Variants in CSMD3 observed in about 807,000 individuals in gnomAD.
The protein encoded by CSMD3 is CUB and sushi domain-containing protein 3.
A neutral mutation model predicts 435.2 loss-of-function variants in CSMD3; 177 were observed. That is an observed-to-expected ratio of 0.41 (90% CI 0.36 to 0.46). The LOEUF is 0.46. Ranked by LOEUF, CSMD3 falls within the 20% of genes least tolerant of loss-of-function variation. The pLI, the probability that CSMD3 is intolerant of heterozygous loss-of-function variation, is 0.34. For missense variants in CSMD3, 4,265 were observed against 4,504.6 expected, an observed-to-expected ratio of 0.95 and a Z score of 1.52; for synonymous variants, 1,656 against 1,520.5, an observed-to-expected ratio of 1.09 and a Z score of -2.07.
intron 40 of CSMD3, among the ~76,000 whole-genome samples, chr8:112,346,661 T>G: frequency 7.6e-6 from 1 of 130,748 alleles, no homozygotes; most frequent in East Asian, 2.4e-4. Context: ...CAGCCTTCCC[T>G]CCTTTTCCTT....
intron 1 of CSMD3, among the ~76,000 whole-genome samples, chr8:113,375,219 C>G (rs1441531860): frequency 6.6e-6 from 1 of 152,062 alleles, no homozygotes; most frequent in Non-Finnish European, 1.5e-5. Context: ...TCCTCATTTG[C>G]TCCCCAAATC....
At chr8:112,821,597 GT>G (rs2079531958) in intron 12 of CSMD3, among the ~76,000 whole-genome samples, 1 of 151,826 alleles carries the variant, frequency 6.6e-6, no homozygotes, top group Non-Finnish European at 1.5e-5. Context: ...CATTCTTTAG[GT>G]TGCCTGTTCA....
intron 2 of CSMD3, among the ~76,000 whole-genome samples, chr8:113,294,119 C>T (rs1423062349): frequency 6.6e-6 from 1 of 151,988 alleles, no homozygotes; most frequent in Non-Finnish European, 1.5e-5. Context: ...TTAAGAATTA[C>T]ATTGCCAAAT....
chr8:113,128,808 A>G (rs2091209921), intron 4 of CSMD3, among the ~76,000 whole-genome samples: 1 of 152,094 alleles, frequency 6.6e-6, no homozygotes. Context: ...ATACATAGCT[A>G]CATATTGAAT....
At chr8:112,761,026 G>A (rs1287002530) in intron 13 of CSMD3, among the ~76,000 whole-genome samples, 1 of 152,112 alleles carries the variant, frequency 6.6e-6, no homozygotes, top group Admixed American at 6.6e-5. Context: ...TGACAAAAAA[G>A]CTGAAGACTG....
chr8:112,653,016 C>T (rs1301845353), intron 18 of CSMD3, among the ~76,000 whole-genome samples: 1 of 152,104 alleles, frequency 6.6e-6, no homozygotes, highest in Non-Finnish European at 1.5e-5. Context: ...GTGGTTTCAC[C>T]ACGTTGGCCA....
chr8:112,331,616 T>A (rs545836898), intron 45 of CSMD3, among the ~76,000 whole-genome samples: 2,008 of 152,126 alleles, frequency 0.013, 41 homozygotes, highest in African/African-American at 0.046. Context: ...CAAATAAAAC[T>A]TCAATGATCA....
At chr8:113,201,236 C>T (rs2092713254) in intron 3 of CSMD3, among the ~76,000 whole-genome samples, 1 of 151,992 alleles carries the variant, frequency 6.6e-6, no homozygotes, top group South Asian at 2.1e-4. Flanking sequence ...GTCTGAACCA[C>T]TGCTAGCATC....
At chr8:112,478,116 T>C (rs1017642658) in intron 31 of CSMD3, among the ~76,000 whole-genome samples, 5 of 152,194 alleles carry the variant, frequency 3.3e-5, no homozygotes, top group African/African-American at 1.2e-4. Flanking sequence ...CCTTCCACCA[T>C]GATCGTGAGG....
chr8:112,994,474 T>C (rs2085570644), intron 6 of CSMD3, among the ~76,000 whole-genome samples: 1 of 151,676 alleles, frequency 6.6e-6, no homozygotes, highest in Admixed American at 6.6e-5. Context: ...TATTTTTTCA[T>C]GAAAAATTAT....
intron 3 of CSMD3, among the ~76,000 whole-genome samples, chr8:113,212,627 C>A (rs2092850471): frequency 6.6e-6 from 1 of 151,962 alleles, no homozygotes; most frequent in South Asian, 2.1e-4. Context: ...TCTCAGCAAA[C>A]TATCACAAGG....
intron 27 of CSMD3, among the ~76,000 whole-genome samples, chr8:112,532,722 G>A (rs1825655775): frequency 6.6e-6 from 1 of 151,878 alleles, no homozygotes; most frequent in Non-Finnish European, 1.5e-5. Flanking sequence ...GAAAAAAAAA[G>A]GATGTTAATA....
At chr8:112,368,221 C>T (rs1827974361) in intron 38 of CSMD3, among the ~76,000 whole-genome samples, 1 of 152,162 alleles carries the variant, frequency 6.6e-6, no homozygotes, top group African/African-American at 2.4e-5. Flanking sequence ...TTTTCCCTGA[C>T]TCTACCACCA....
chr8:113,283,101 G>A (rs938515343), intron 2 of CSMD3, among the ~76,000 whole-genome samples: 7 of 151,910 alleles, frequency 4.6e-5, no homozygotes, highest in African/African-American at 7.2e-5. Context: ...GATTAAGGAC[G>A]TAAATCTAAG....
At chr8:112,556,271 C>T (rs1045373390) in intron 25 of CSMD3, among the ~76,000 whole-genome samples, 3 of 151,706 alleles carry the variant, frequency 2.0e-5, no homozygotes, top group Non-Finnish European at 4.4e-5. Flanking sequence ...TCTCTAGCTT[C>T]ACGAAAGCAA....
intron 3 of CSMD3, among the ~76,000 whole-genome samples, chr8:113,233,903 C>A (rs2093118941): frequency 6.6e-6 from 1 of 152,064 alleles, no homozygotes; most frequent in African/African-American, 2.4e-5. Context: ...AGAGTATCAT[C>A]ACAGCAGTAG....
chr8:112,304,648 G>A lies in CSMD3; in HGVS notation c.8266+73C>T, dbSNP rs2130775446. 2.7e-6 allele frequency: 3 copies of A among 1,114,468 alleles called. No homozygotes were observed. In the Admixed American group the frequency reaches 5.1e-5, roughly 19 times the overall value. 69.0% of individuals were successfully genotyped at this position (1,114,468 alleles called of 1,614,324 possible). On this transcript the variant is annotated intron_variant, in intron 52 of 70. Coordinates refer to ENST00000297405, the MANE Select transcript of CSMD3 (RefSeq NM_198123.2). ...CCAATTATTGATCTAATGTGTTTAT[G>A]AAAGGAACTGATTCAAACAATTCGA...
intron 6 of CSMD3, among the ~76,000 whole-genome samples, chr8:113,014,852 T>C (rs1242369932): frequency 6.6e-6 from 1 of 152,124 alleles, no homozygotes; most frequent in Non-Finnish European, 1.5e-5. Context: ...AGTATCTAAA[T>C]AAAGATTGAA....
At chr8:113,082,549 A>C (rs1458806093) in intron 5 of CSMD3, among the ~76,000 whole-genome samples, 1 of 152,202 alleles carries the variant, frequency 6.6e-6, no homozygotes, top group African/African-American at 2.4e-5. Context: ...AGGTACACAG[A>C]TATCAATATA....
Sources: allele counts gnomAD v4.1 joint callset (sites outside exome capture counted in the v4.1 genomes callset), GRCh38; gene constraint gnomAD v4.1.1; transcripts MANE v1.5; gene names NCBI Gene and HGNC (gene_info 2026-07-23, HGNC 2026-07-21).